ZFAT: variants seen among roughly 807,000 people sequenced by gnomAD.
ZFAT encodes the protein zinc finger protein ZFAT.
Under a neutral mutation model 117.7 loss-of-function variants are expected in ZFAT, and 64 were observed. The observed-to-expected ratio is 0.54, with a 90% CI of 0.44 to 0.67. The LOEUF (loss-of-function observed/expected upper bound fraction) is 0.67, where lower values mean the gene tolerates loss of function less well. Among genes scored for constraint, ZFAT ranks in the 30% least tolerant of loss-of-function variants. The probability of loss-of-function intolerance (pLI) is 0.00; values close to 1 mark genes in which losing one functional copy is unlikely to be tolerated. For missense variants in ZFAT, 1,433 were observed against 1,584.5 expected (o/e 0.90, Z 1.62); for synonymous variants, 679 against 615.0 (o/e 1.10, Z -1.54).
chr8:134,726,234 C>T, the ZFAT span, among the ~76,000 whole-genome samples: 20 of 152,072 alleles, frequency 1.3e-4, no homozygotes, highest in Middle Eastern at 3.2e-3. Flanking sequence ...GAGGGCCAAG[C>T]GGGCAACTTG....
intron 11 of ZFAT, among the ~76,000 whole-genome samples, chr8:134,546,666 C>T (rs1466084636): frequency 1.3e-5 from 2 of 152,204 alleles, no homozygotes; most frequent in Admixed American, 6.5e-5. Flanking sequence ...ATATTTCCCA[C>T]CATGTACAGT....
intron 10 of ZFAT, among the ~76,000 whole-genome samples, chr8:134,569,006 A>G (rs1824681015): frequency 6.6e-6 from 1 of 152,212 alleles, no homozygotes; most frequent in African/African-American, 2.4e-5. Flanking sequence ...CGTGGATGCG[A>G]ATCTCCCAGA....
the ZFAT span, among the ~76,000 whole-genome samples, chr8:134,744,679 A>T: frequency 2.6e-5 from 4 of 151,706 alleles, no homozygotes; most frequent in Non-Finnish European, 5.9e-5. Context: ...AGTCAGCAGG[A>T]AAATCTTTTG....
At chr8:134,730,385 C>G in the ZFAT span, among the ~76,000 whole-genome samples, 1 of 152,212 alleles carries the variant, frequency 6.6e-6, no homozygotes, top group Non-Finnish European at 1.5e-5. Flanking sequence ...TTGGATGCTA[C>G]AGAGTTGCCC....
the ZFAT span, among the ~76,000 whole-genome samples, chr8:134,791,039 C>T: frequency 6.6e-6 from 1 of 152,120 alleles, no homozygotes; most frequent in East Asian, 1.9e-4. Flanking sequence ...TGAATATATG[C>T]CAATTCTTTC....
intron 10 of ZFAT, among the ~76,000 whole-genome samples, chr8:134,575,670 G>A (rs771402157): frequency 6.6e-6 from 1 of 152,172 alleles, no homozygotes; most frequent in Non-Finnish European, 1.5e-5. Context: ...GGCAAGAAGT[G>A]ATTCCAGCCT....
At chr8:134,812,975 A>G in the ZFAT span, among the ~76,000 whole-genome samples, 2 of 152,124 alleles carry the variant, frequency 1.3e-5, no homozygotes, top group Admixed American at 1.3e-4. Flanking sequence ...TTCAGAGCCT[A>G]CTCTCTTACC....
chr8:134,602,299 G>A lies in ZFAT; in HGVS notation c.1420C>T (p.Arg474Cys), dbSNP rs770534976. Residue 474 changes from arginine (R) to cysteine (C), a missense_variant, in exon 6 of 16, where the codon CGC (arginine) becomes TGC (cysteine). Physicochemically the swap from Arg to Cys is radical, Grantham distance 180 (BLOSUM62 -3). This residue lies in a region of ZFAT where 372 missense variants were observed against 355.6 expected (regional missense o/e 1.05). Coordinates refer to ENST00000377838, the MANE Select transcript of ZFAT (RefSeq NM_020863.4). Reference sequence around the variant, plus strand: ...CCGTGCACCTCTTTGATGTGGGTGCGCAGCCTGATGGAGCTGACGAACTTC... The same window carrying A: ...CCGTGCACCTCTTTGATGTGGGTGCACAGCCTGATGGAGCTGACGAACTTC... ...RKKFVSSIRL[R>C]THIKEVHGAA... 3.8e-5 allele frequency: 61 copies of A among 1,613,834 alleles called. 1 individual carries two copies. The highest frequency in any genetic ancestry group is 1.8e-4 in the South Asian group (16 of 91,092).
the ZFAT span, among the ~76,000 whole-genome samples, chr8:134,805,259 C>G: frequency 8.7e-6 from 1 of 115,022 alleles, no homozygotes; most frequent in Non-Finnish European, 1.9e-5. Context: ...GTTTTCTTCT[C>G]CCTAGAGTTT....
intron 15 of ZFAT, among the ~76,000 whole-genome samples, chr8:134,495,238 A>G (rs374368667): frequency 5.3e-5 from 8 of 152,284 alleles, no homozygotes; most frequent in African/African-American, 1.9e-4. Context: ...GGGAGCCAGC[A>G]TGGTTAGGTT....
intron 3 of ZFAT, among the ~76,000 whole-genome samples, chr8:134,613,854 A>G (rs1348999938): frequency 6.6e-6 from 1 of 152,216 alleles, no homozygotes; most frequent in Non-Finnish European, 1.5e-5. Flanking sequence ...GGAGAGGCCA[A>G]GTGAAAGACC....
the ZFAT span, among the ~76,000 whole-genome samples, chr8:134,738,470 G>A: frequency 3.9e-5 from 6 of 152,198 alleles, no homozygotes; most frequent in Admixed American, 2.6e-4. Context: ...AAATATTTGA[G>A]TACCAACTAC....
intron 2 of ZFAT, among the ~76,000 whole-genome samples, chr8:134,645,929 G>A (rs1490235905): frequency 1.3e-5 from 2 of 152,160 alleles, no homozygotes; most frequent in Non-Finnish European, 2.9e-5. Flanking sequence ...TGAGCCAGGC[G>A]CAGTGGCTCA....
At chr8:134,696,670 G>C (rs1421200316) in intron 1 of ZFAT, 1 of 935,474 alleles carries the variant, frequency 1.1e-6, no homozygotes, top group Admixed American at 6.2e-5. Context: ...CCGCCACAGA[G>C]GCTCTGATTG....
At chr8:134,561,388 T>C (rs890545631) in intron 11 of ZFAT, among the ~76,000 whole-genome samples, 9 of 152,086 alleles carry the variant, frequency 5.9e-5, no homozygotes, top group African/African-American at 1.9e-4. Context: ...CATTCTCCAA[T>C]AGAGCTTTAT....
intron 11 of ZFAT, 148 bp downstream of exon 11, chr8:134,565,185 T>C (rs1401740311): frequency 5.2e-6 from 8 of 1,536,162 alleles, no homozygotes; most frequent in South Asian, 1.2e-5. Flanking sequence ...AGCTGCACTA[T>C]GCCTCAGACT....
At chr8:134,644,650 A>T (rs1830774178) in intron 2 of ZFAT, among the ~76,000 whole-genome samples, 1 of 152,008 alleles carries the variant, frequency 6.6e-6, no homozygotes, top group Non-Finnish European at 1.5e-5. Context: ...TCTCACACAC[A>T]AACGTGCACT....
chr8:134,572,447 C>T (rs553035197), intron 10 of ZFAT, among the ~76,000 whole-genome samples: 192 of 152,320 alleles, frequency 1.3e-3, no homozygotes, highest in Middle Eastern at 6.8e-3. Context: ...GATCTTTCAA[C>T]GCAGAGCCAT....
chr8:134,669,792 A>C (rs1198490679), intron 1 of ZFAT, among the ~76,000 whole-genome samples: 1 of 152,244 alleles, frequency 6.6e-6, no homozygotes, highest in Admixed American at 6.5e-5. Context: ...GCTCCAATTA[A>C]AAGACACAAA....
Sources: gnomAD v4.1 joint callset for allele counts (sites outside exome capture counted in the v4.1 genomes callset) on GRCh38, gnomAD v4.1.1 for gene constraint, gnomAD v4.1.1 regional missense constraint, MANE v1.5 for transcripts, NCBI Gene and HGNC (gene_info 2026-07-23, HGNC 2026-07-21) for gene names.